The following TMEM120B variants were observed in gnomAD, a reference collection of about 807,000 sequenced individuals.
The protein encoded by TMEM120B is transmembrane protein 120B.
A neutral mutation model predicts 55.5 loss-of-function variants in TMEM120B; 31 were observed. The observed-to-expected ratio is 0.56, with a 90% CI of 0.42 to 0.75. The LOEUF is 0.75. Among genes scored for constraint, TMEM120B ranks in the 30% least tolerant of loss-of-function variants. The probability of loss-of-function intolerance (pLI) is 0.00; values close to 1 mark genes in which losing one functional copy is unlikely to be tolerated. For synonymous variants in TMEM120B, 203 were observed against 176.3 expected (o/e 1.15, Z -1.20); for missense variants, 399 against 425.5 (o/e 0.94, Z 0.55).
In TMEM120B at chr12:121,752,424, C is replaced by T. The variant is rs1308427986; in HGVS notation, c.461+201C>T. 3.3e-5 allele frequency among the ~76,000 whole-genome samples: 5 copies of T among 152,094 alleles called. No individual in the cohort carries two copies. In the East Asian group the frequency reaches 5.8e-4, roughly 18 times the overall value. ...CTCCATCCAACAAGTATCTGTTAAA[C>T]GGCTGCTGGAAAGGCCTTGTACTGT... On this transcript the variant is annotated intron_variant, in intron 5 of 11. Transcript: ENST00000449592.
chr12:121,774,506 C>A, intron 9 of TMEM120B, 152 bp from the exon 10 acceptor site: 1 of 657,986 alleles, frequency 1.5e-6, no homozygotes, highest in Non-Finnish European at 2.6e-6. Flanking sequence ...GAATGCCCAC[C>A]CAGCTATGAC....
At chr12:121,721,814 T>TCTTTTC (rs1894795307) in intron 1 of TMEM120B, among the ~76,000 whole-genome samples, 1 of 134,504 alleles carries the variant, frequency 7.4e-6, no homozygotes, top group African/African-American at 2.9e-5. Flanking sequence ...CTTTTTTTTT[T>TCTTTTC]TTTTTTTTTT....
At chr12:121,726,052 A>C (rs1894884212) in intron 1 of TMEM120B, among the ~76,000 whole-genome samples, 2 of 151,148 alleles carry the variant, frequency 1.3e-5, no homozygotes, top group Admixed American at 6.6e-5. Context: ...AAAAAAACAA[A>C]AAAAAAACCA....
intron 1 of TMEM120B, among the ~76,000 whole-genome samples, chr12:121,726,714 G>T (rs1181951510): frequency 2.0e-5 from 3 of 151,682 alleles, no homozygotes; most frequent in Non-Finnish European, 4.4e-5. Flanking sequence ...AGACCAACCT[G>T]ACCAACATGG....
At position 121,770,918 on chromosome 12, in the gene TMEM120B, G is replaced by T. The variant is rs754877510; in HGVS notation, c.563G>T (p.Trp188Leu). 1.2e-6 allele frequency: 2 copies of T among 1,614,150 alleles called. No homozygotes were observed. Among genetic ancestry groups the T allele is most frequent in the Non-Finnish European group, 1.7e-6 (2 of 1,180,008 alleles). ...CTCCCTCTCCCGAGAATTAAAGGCT[G>T]GTGGGTGTCTCACCACTACGTCTCC... ...LISNGSRIKG[W>L]WVSHHYVSTF... is the part of the protein sequence containing the mutation. The change falls in exon 7 of 12, where the codon TGG becomes TTG. Residue 188 changes from tryptophan (W) to leucine (L), a missense_variant. By Grantham distance (61) the Trp-to-Leu change is moderately conservative. Coordinates refer to ENST00000449592, the MANE Select transcript of TMEM120B (RefSeq NM_001080825.2).
At chr12:121,770,872 C>G (rs1178247314) in intron 6 of TMEM120B, 35 bp from the exon 7 acceptor site, 10 of 1,608,578 alleles carry the variant, frequency 6.2e-6, no homozygotes, top group Non-Finnish European at 8.5e-6. Flanking sequence ...TTGCTCTCCC[C>G]TCCTGAGCAC....
At chr12:121,754,318 C>T (rs1190638612) in intron 5 of TMEM120B, among the ~76,000 whole-genome samples, 1 of 152,240 alleles carries the variant, frequency 6.6e-6, no homozygotes, top group Non-Finnish European at 1.5e-5. Context: ...CAGGGCCCTC[C>T]GAAGGCAAAC....
At chr12:121,757,452 C>T (rs1873514061) in intron 5 of TMEM120B, among the ~76,000 whole-genome samples, 1 of 151,994 alleles carries the variant, frequency 6.6e-6, no homozygotes, top group South Asian at 2.1e-4. Flanking sequence ...CACCATTCTC[C>T]TGCCTCAGCC....
chr12:121,775,468 C>T lies in TMEM120B; in HGVS notation c.907-141C>T. 6.9e-7 allele frequency: 1 copy of T among 1,444,548 alleles called. No homozygotes were observed. The allele number at this position is 1,444,548 out of a possible 1,614,324, so 89.5% of individuals were successfully genotyped here. ...CTGAGGCCTCACCCTTCCCCCAGGTCTCCTGAATCTCTGCCTTCGATGGCA... is the reference window on the plus strand; with the variant it reads ...CTGAGGCCTCACCCTTCCCCCAGGTTTCCTGAATCTCTGCCTTCGATGGCA... On this transcript the variant is annotated intron_variant, in intron 11 of 11. Coordinates refer to ENST00000449592, the MANE Select transcript of TMEM120B (RefSeq NM_001080825.2). This position sits in a 1 kb window ranked among gnomAD's most constrained non-coding sequence, Gnocchi z 4.3.
At chr12:121,715,003 C>G (rs1022686215) in intron 1 of TMEM120B, among the ~76,000 whole-genome samples, 2 of 152,124 alleles carry the variant, frequency 1.3e-5, no homozygotes, top group Non-Finnish European at 2.9e-5. Flanking sequence ...CTGTCCCTTG[C>G]TTTGCCTTAG....
At chr12:121,756,540 C>G (rs1016823804) in intron 5 of TMEM120B, among the ~76,000 whole-genome samples, 3 of 152,174 alleles carry the variant, frequency 2.0e-5, no homozygotes, top group African/African-American at 7.2e-5. Context: ...CTCCCAGTGT[C>G]ACACAGACTT....
Position 121,775,936 on chromosome 12 carries a change from C to T in TMEM120B, c.*214C>T, listed in dbSNP as rs559554068. ...ACATATTTAATGCTGGGTCCCCCAT[C>T]GTCCCTGGAACCCGAGGCCTCACTC... is the stretch of plus-strand genomic sequence containing the variant. On this transcript the variant is annotated 3_prime_UTR_variant, in exon 12 of 12. Coordinates refer to ENST00000449592, the MANE Select transcript of TMEM120B (RefSeq NM_001080825.2). The surrounding 1 kb of genome is among the most constrained non-coding windows in gnomAD (Gnocchi z 4.3). 4.2e-4 allele frequency: 261 copies of T among 619,222 alleles called. No homozygotes were observed. The highest frequency in any genetic ancestry group is 6.5e-4 in the Non-Finnish European group (229 of 349,992). The allele number at this position is 619,222 out of a possible 1,614,324, so 38.4% of individuals were successfully genotyped here.
intron 1 of TMEM120B, among the ~76,000 whole-genome samples, chr12:121,718,725 A>G (rs1417417011): frequency 1.3e-5 from 2 of 152,182 alleles, no homozygotes. Context: ...TTTCATTTAT[A>G]TAGTGCTTTC....
intron 1 of TMEM120B, among the ~76,000 whole-genome samples, chr12:121,739,789 G>A (rs1051162736): frequency 1.4e-5 from 2 of 145,954 alleles, no homozygotes; most frequent in Admixed American, 1.4e-4. Context: ...TTTGACTCCT[G>A]CAACACTTCT....
At chr12:121,717,403 C>G (rs1455906234) in intron 1 of TMEM120B, among the ~76,000 whole-genome samples, 1 of 152,142 alleles carries the variant, frequency 6.6e-6, no homozygotes, top group Non-Finnish European at 1.5e-5. Context: ...GAATAGACAT[C>G]AGGGAGACAG....
chr12:121,771,070 T>A, intron 7 of TMEM120B, 98 bp downstream of exon 7: 1 of 1,333,642 alleles, frequency 7.5e-7, no homozygotes, highest in African/African-American at 1.5e-5. Flanking sequence ...GTGGGGGGTG[T>A]GCTCCAGGGC....
rs1874379762 is a variant in TMEM120B, at chr12:121,779,786, G to C, written c.*4064G>C. ...TGGAGGCCTTGGTTTGGGCCTGTCTGTCTCCTCCATCCTGGCTGCCCCTCA... is the reference window on the plus strand; with the variant it reads ...TGGAGGCCTTGGTTTGGGCCTGTCTCTCTCCTCCATCCTGGCTGCCCCTCA... On this transcript the variant is annotated 3_prime_UTR_variant, in exon 12 of 12. Transcript: ENST00000449592. 3.0e-6 allele frequency: 3 copies of C among 997,466 alleles called. No homozygotes were observed. Among genetic ancestry groups the C allele is most frequent in the Non-Finnish European group, 4.4e-6 (3 of 676,972 alleles). 61.8% of individuals were successfully genotyped at this position (997,466 alleles called of 1,614,324 possible).
rs63639861 is a variant in TMEM120B, at chr12:121,769,715, CGTGT to C, written c.552-1173_552-1170del. Among the ~76,000 whole-genome samples, 20 of 148,418 alleles carry C rather than the reference CGTGT, an allele frequency of 1.3e-4. No individual in the cohort carries two copies. In the East Asian group the frequency reaches 1.8e-3, roughly 13 times the overall value. ...GAGACCCTGCCTGGAAAAGAGAAAA[CGTGT>C]GTGTGTGTGTGTGTGTGTACATGCA... is the stretch of plus-strand genomic sequence containing the variant. On this transcript the variant is annotated intron_variant, in intron 6 of 11. Transcript: ENST00000449592.
chr12:121,761,616 C>T (rs764592378), intron 5 of TMEM120B, 33 bp from the exon 6 acceptor site: 37 of 1,574,390 alleles, frequency 2.4e-5, no homozygotes, highest in Middle Eastern at 1.7e-4. Flanking sequence ...TTCTCACGCC[C>T]GCACCCCTCC....
Sources: gnomAD v4.1 joint callset for allele counts (sites outside exome capture counted in the v4.1 genomes callset) on GRCh38, gnomAD v4.1.1 for gene constraint, Gnocchi (gnomAD v3.1) non-coding constraint, MANE v1.5 for transcripts, NCBI Gene and HGNC (gene_info 2026-07-23, HGNC 2026-07-21) for gene names.